Variants in DUSP10 observed in about 807,000 individuals in gnomAD.
The protein encoded by DUSP10 is dual specificity phosphatase 10.
Under a neutral mutation model 30.8 loss-of-function variants are expected in DUSP10, and 14 were observed. That is an observed-to-expected ratio of 0.46 (90% CI 0.30 to 0.71). DUSP10 has a LOEUF of 0.71. Ranked by LOEUF, DUSP10 falls within the 30% of genes least tolerant of loss-of-function variation. The pLI, the probability that DUSP10 is intolerant of heterozygous loss-of-function variation, is 0.08. For synonymous variants in DUSP10, 254 were observed against 250.4 expected (o/e 1.01, Z -0.14); for missense variants, 550 against 619.4 (o/e 0.89, Z 1.19).
chr1:221,732,067 G>T (rs554369365), intron 2 of DUSP10, among the ~76,000 whole-genome samples: 9 of 152,226 alleles, frequency 5.9e-5, no homozygotes, highest in Non-Finnish European at 1.2e-4. Flanking sequence ...AAAGGATCTG[G>T]AAGACTGGTC....
chr1:221,714,217 T>C (rs1661025678), intron 2 of DUSP10, among the ~76,000 whole-genome samples: 1 of 152,328 alleles, frequency 6.6e-6, no homozygotes, highest in South Asian at 2.1e-4. Flanking sequence ...TATAGTAACT[T>C]TGGTATCATA....
intron 2 of DUSP10, among the ~76,000 whole-genome samples, chr1:221,714,871 G>A (rs1661053127): frequency 6.6e-6 from 1 of 152,014 alleles, no homozygotes; most frequent in South Asian, 2.1e-4. Context: ...GTTTCTCTCA[G>A]ATGATGTGCC....
intron 2 of DUSP10, among the ~76,000 whole-genome samples, chr1:221,733,715 T>C (rs1219402449): frequency 6.6e-6 from 1 of 152,320 alleles, no homozygotes; most frequent in Admixed American, 6.5e-5. Context: ...TGTTTTACAA[T>C]GAAGAAAACC....
At chr1:221,719,978 C>CA (rs1436309787) in intron 2 of DUSP10, among the ~76,000 whole-genome samples, 1 of 152,160 alleles carries the variant, frequency 6.6e-6, no homozygotes, top group East Asian at 1.9e-4. Context: ...AGAACAAAAT[C>CA]AGCTGTCAGA....
intron 2 of DUSP10, 101 bp downstream of exon 2, chr1:221,738,833 C>A: frequency 6.9e-7 from 1 of 1,453,788 alleles, no homozygotes. Flanking sequence ...CTATTTTGGT[C>A]TTTGGTAGCC....
chr1:221,714,809 C>T (rs900834671), intron 2 of DUSP10, among the ~76,000 whole-genome samples: 2 of 152,122 alleles, frequency 1.3e-5, no homozygotes, highest in Non-Finnish European at 2.9e-5. Context: ...TGTGAGACAA[C>T]GAACCCCGGT....
At chr1:221,718,852 C>T (rs144677010) in intron 2 of DUSP10, among the ~76,000 whole-genome samples, 8 of 152,330 alleles carry the variant, frequency 5.3e-5, no homozygotes, top group Admixed American at 1.3e-4. Flanking sequence ...AGAAATGTCA[C>T]ATGCGAGCCT....
At chr1:221,708,999 G>GC (rs1660852988) in intron 2 of DUSP10, among the ~76,000 whole-genome samples, 1 of 92,874 alleles carries the variant, frequency 1.1e-5, no homozygotes, top group Admixed American at 1.0e-4. Context: ...AAAGCAGCTA[G>GC]TTTAAAAAAA....
chr1:221,719,265 G>A (rs1402429888), intron 2 of DUSP10, among the ~76,000 whole-genome samples: 1 of 152,212 alleles, frequency 6.6e-6, no homozygotes, highest in Non-Finnish European at 1.5e-5. Flanking sequence ...AAGTCACTGA[G>A]CTGGATTCTA....
rs1244905967 is a variant in DUSP10 at position 221,706,337 on chromosome 1, G to T, written c.941C>A (p.Thr314Asn). The T allele has an allele frequency of 6.2e-7, 1 of 1,612,238 alleles. No individual in the cohort carries two copies. Among genetic ancestry groups the T allele is most frequent in the African/African-American group, 1.3e-5 (1 of 75,010 alleles). Residue 314 changes from threonine (T) to asparagine (N), a missense_variant, in exon 3 of 4, where the codon ACC (threonine) becomes AAC (asparagine). Physicochemically the swap from Thr to Asn is moderately conservative, Grantham distance 65. Transcript: ENST00000366899. The surrounding 1 kb of genome is among the most constrained non-coding windows in gnomAD (Gnocchi z 4.6). ...SSLLPQPIPTTPDIENAELTP... is the reference protein window; with the variant it reads ...SSLLPQPIPTNPDIENAELTP... ...GAGCTCAGCGTTCTCGATGTCAGGGGTGGTGGGGATGGGCTGAGGTAGCAA... is the reference window on the plus strand; with the variant it reads ...GAGCTCAGCGTTCTCGATGTCAGGGTTGGTGGGGATGGGCTGAGGTAGCAA...
intron 2 of DUSP10, among the ~76,000 whole-genome samples, chr1:221,716,122 A>G (rs1479211049): frequency 1.3e-5 from 2 of 152,136 alleles, no homozygotes; most frequent in Non-Finnish European, 2.9e-5. Context: ...GGAAGAAAAC[A>G]TGAAAGAGAG....
chr1:221,715,272 T>G (rs1661063823), intron 2 of DUSP10, among the ~76,000 whole-genome samples: 1 of 152,234 alleles, frequency 6.6e-6, no homozygotes, highest in African/African-American at 2.4e-5. Flanking sequence ...AAAGTTTAAT[T>G]GGAGGCCTTC....
intron 3 of DUSP10, among the ~76,000 whole-genome samples, chr1:221,704,432 AC>A (rs956918695): frequency 1.5e-3 from 225 of 152,326 alleles, no homozygotes; most frequent in African/African-American, 5.3e-3. Context: ...TAAATAGAAA[AC>A]AATTTCCTAA....
At chr1:221,703,219 GTATA>G (rs113205295) in intron 3 of DUSP10, among the ~76,000 whole-genome samples, 1 of 149,438 alleles carries the variant, frequency 6.7e-6, no homozygotes, top group East Asian at 2.0e-4. Flanking sequence ...GTGTGTGTGT[GTATA>G]TATATATATA....
intron 3 of DUSP10, 145 bp downstream of exon 3, chr1:221,705,950 G>A: frequency 9.4e-7 from 1 of 1,060,174 alleles, no homozygotes; most frequent in Non-Finnish European, 1.4e-6. Context: ...AGAATGCTTA[G>A]GCTGTTTCAG....
intron 2 of DUSP10, among the ~76,000 whole-genome samples, chr1:221,707,751 T>G (rs1660809500): frequency 6.6e-6 from 1 of 152,174 alleles, no homozygotes; most frequent in Non-Finnish European, 1.5e-5. Flanking sequence ...TTATGTAGCC[T>G]TTAAAAGAGT....
At chr1:221,727,085 T>C (rs1292452222) in intron 2 of DUSP10, among the ~76,000 whole-genome samples, 1 of 152,160 alleles carries the variant, frequency 6.6e-6, no homozygotes, top group Admixed American at 6.5e-5. Flanking sequence ...AGTGAATTTG[T>C]CCAAAATTAT....
chr1:221,712,667 AAGTT>A (rs943100643), intron 2 of DUSP10, among the ~76,000 whole-genome samples: 11 of 150,690 alleles, frequency 7.3e-5, no homozygotes, highest in Admixed American at 4.6e-4. Flanking sequence ...ATCTAAAAAT[AAGTT>A]AGTCCCTCCA....
chr1:221,728,035 G>C (rs1240460152), intron 2 of DUSP10, among the ~76,000 whole-genome samples: 1 of 152,196 alleles, frequency 6.6e-6, no homozygotes, highest in Non-Finnish European at 1.5e-5. Flanking sequence ...CCATTCCATG[G>C]AGTGGATCAT....
Sources: gnomAD v4.1 joint callset for allele counts (sites outside exome capture counted in the v4.1 genomes callset) on GRCh38, gnomAD v4.1.1 for gene constraint, Gnocchi (gnomAD v3.1) non-coding constraint, MANE v1.5 for transcripts, NCBI Gene and HGNC (gene_info 2026-07-23, HGNC 2026-07-21) for gene names.